The following TNS1 variants were observed in gnomAD, a reference collection of about 807,000 sequenced individuals.
The protein encoded by TNS1 is tensin-1.
A neutral mutation model predicts 168.6 loss-of-function variants in TNS1; 62 were observed. The ratio of observed to expected loss-of-function variants is 0.37; its 90% CI spans 0.30 to 0.45. The LOEUF (loss-of-function observed/expected upper bound fraction) is 0.45, where lower values mean the gene tolerates loss of function less well. TNS1 is among the 20% of genes least tolerant of loss of function. TNS1 has a pLI of 1.00. For synonymous variants in TNS1, 934 were observed against 933.2 expected (o/e 1.00, Z -0.02); for missense variants, 2,240 against 2,339.4 (o/e 0.96, Z 0.88).
intron 1 of TNS1, among the ~76,000 whole-genome samples, chr2:218,017,199 G>T (rs1958769843): frequency 1.3e-5 from 2 of 152,168 alleles, no homozygotes; most frequent in Non-Finnish European, 2.9e-5. Flanking sequence ...CATGGAACTT[G>T]ATTCCTTCCT....
chr2:218,005,321 C>A (rs1015316503), upstream of TNS1, among the ~76,000 whole-genome samples: 43 of 152,300 alleles, frequency 2.8e-4, no homozygotes, highest in African/African-American at 8.2e-4. Flanking sequence ...CCCGAGGAGG[C>A]CCTGCTGCTT....
intron 3 of TNS1, among the ~76,000 whole-genome samples, chr2:217,928,568 G>T (rs1409645373): frequency 6.6e-6 from 1 of 152,210 alleles, no homozygotes; most frequent in African/African-American, 2.4e-5. Flanking sequence ...CAAAGACAGT[G>T]GGGACAGGGA....
chr2:217,861,372 T>C (rs1171853052), intron 18 of TNS1, among the ~76,000 whole-genome samples: 2 of 152,194 alleles, frequency 1.3e-5, no homozygotes, highest in African/African-American at 4.8e-5. Context: ...CCTGACATAC[T>C]TTCTGGTTGC....
chr2:217,951,116 C>T (rs1006803924), intron 3 of TNS1, among the ~76,000 whole-genome samples: 5 of 152,192 alleles, frequency 3.3e-5, no homozygotes, highest in Non-Finnish European at 7.3e-5. Flanking sequence ...ATCACAGAAA[C>T]CTGGCCCCAT....
In TNS1 at chr2:217,880,777, C is replaced by T; in HGVS notation, c.1429+121G>A. Reference sequence around the variant, plus strand: ...ACGGTGAGCTCTCGGAGGTACCTCACACTTCCCCTCTGCCTCCTCTCGAAC... The same window carrying T: ...ACGGTGAGCTCTCGGAGGTACCTCATACTTCCCCTCTGCCTCCTCTCGAAC... On this transcript the variant is annotated intron_variant, in intron 18 of 32. Coordinates refer to ENST00000682258, the MANE Select transcript of TNS1 (RefSeq NM_001387777.1). This position sits in a 1 kb window ranked among gnomAD's most constrained non-coding sequence, Gnocchi z 4.2. The T allele has an allele frequency of 1.4e-6, 1 of 739,148 alleles. No homozygotes were observed. Among genetic ancestry groups the T allele is most frequent in the Non-Finnish European group, 2.4e-6 (1 of 422,544 alleles). 45.8% of individuals were successfully genotyped at this position (739,148 alleles called of 1,614,324 possible).
intron 1 of TNS1, among the ~76,000 whole-genome samples, chr2:218,026,686 G>A (rs1037278916): frequency 3.9e-5 from 6 of 152,294 alleles, no homozygotes; most frequent in East Asian, 3.9e-4. Flanking sequence ...CCCACCCACC[G>A]CGTATGTCAG....
At chr2:217,970,823 G>A (rs527538501) in intron 3 of TNS1, among the ~76,000 whole-genome samples, 1 of 152,000 alleles carries the variant, frequency 6.6e-6, no homozygotes, top group South Asian at 2.1e-4. Context: ...ACAACTCTGT[G>A]ATGATACAAA....
chr2:217,841,336 G>A (rs1945931850), intron 19 of TNS1: 2 of 959,966 alleles, frequency 2.1e-6, no homozygotes, highest in Non-Finnish European at 2.5e-6. Context: ...AGGCAGGAAG[G>A]AAGGGAGGAT....
Position 217,848,352 on chromosome 2 carries a change from T to C in TNS1, c.2165A>G (p.His722Arg). ...GLAGYQREGP[H>R]PAWPQPVTTS... ...GGTCACTGGCTGTGGCCAGGCTGGG[T>C]GGGGCCCCTCCCTCTGGTAGCCAGC... is the stretch of plus-strand genomic sequence containing the variant. Residue 722 changes from histidine (H) to arginine (R), a missense_variant, in exon 19 of 33, where the codon CAC becomes CGC. Transcript: ENST00000682258. 1 of 1,540,540 alleles carries C rather than the reference T, an allele frequency of 6.5e-7. No homozygotes were observed.
chr2:218,026,789 G>A (rs1958852693), intron 1 of TNS1, among the ~76,000 whole-genome samples: 1 of 152,198 alleles, frequency 6.6e-6, no homozygotes, highest in African/African-American at 2.4e-5. Context: ...ACCCTCAAGG[G>A]CAGGGCAGAC....
At chr2:218,015,209 G>T (rs1958747006), upstream of TNS1, among the ~76,000 whole-genome samples, 1 of 152,098 alleles carries the variant, frequency 6.6e-6, no homozygotes, top group African/African-American at 2.4e-5. Context: ...GGACACTGAG[G>T]CCCAGAGGGG....
intron 6 of TNS1, among the ~76,000 whole-genome samples, chr2:217,903,029 G>C (rs1953202318): frequency 1.3e-5 from 2 of 152,192 alleles, no homozygotes; most frequent in Admixed American, 1.3e-4. Flanking sequence ...AGAAACACAG[G>C]TGACCTCACA....
chr2:217,967,803 T>C (rs1957685060), intron 3 of TNS1, among the ~76,000 whole-genome samples: 1 of 152,070 alleles, frequency 6.6e-6, no homozygotes, highest in Non-Finnish European at 1.5e-5. Context: ...AACAAACACC[T>C]CTCAAATCAT....
At chr2:217,900,700 G>A (rs774060761) in intron 6 of TNS1, 188 bp from the exon 7 acceptor site, 30 of 638,140 alleles carry the variant, frequency 4.7e-5, no homozygotes, top group Middle Eastern at 3.8e-4. Flanking sequence ...CTGATTCCAC[G>A]TGAGTGTGCC....
rs1559414722 is a variant in TNS1, at chr2:218,027,233, A to G, written c.156+6587T>C. Among the ~76,000 whole-genome samples, 6 of 152,016 alleles carry G rather than the reference A, an allele frequency of 3.9e-5. No individual in the cohort carries two copies. In the South Asian group the frequency reaches 1.0e-3, roughly 26 times the overall value. On this transcript the variant is annotated intron_variant, in intron 1 of 1. Transcript: ENST00000649572. ...CCCTGAGCCAGGGATAGTTTAAATC[A>G]TCGGTCCCTCTCTGGGGGGCCTTTC... is the stretch of plus-strand genomic sequence containing the variant.
chr2:217,878,612 C>T lies in TNS1; in HGVS notation c.1429+2286G>A, dbSNP rs553337098. Among the ~76,000 whole-genome samples, 30 of 152,320 alleles carry T rather than the reference C, an allele frequency of 2.0e-4. 1 individual carries two copies. In the South Asian group the frequency reaches 4.2e-3, roughly 21 times the overall value. On this transcript the variant is annotated intron_variant, in intron 18 of 32. Coordinates refer to ENST00000682258, the MANE Select transcript of TNS1 (RefSeq NM_001387777.1). ...TTAGCCATGTCTTGCAGGCGCCTGA[C>T]ACACTGGCCACAGCTGACACAAATG... is the stretch of plus-strand genomic sequence containing the variant.
intron 4 of TNS1, among the ~76,000 whole-genome samples, chr2:217,912,163 C>A (rs577807899): frequency 6.6e-6 from 1 of 152,328 alleles, no homozygotes; most frequent in African/African-American, 2.4e-5. Context: ...GCTGCCAGGA[C>A]GGCCTAGAGG....
chr2:217,903,779 G>C (rs1478038400), intron 6 of TNS1: 13 of 631,170 alleles, frequency 2.1e-5, no homozygotes. Context: ...TTGCAGGCAA[G>C]AGTGGATCAC....
intron 3 of TNS1, among the ~76,000 whole-genome samples, chr2:217,968,323 C>T (rs1433141429): frequency 2.0e-5 from 3 of 152,132 alleles, no homozygotes; most frequent in Non-Finnish European, 2.9e-5. Flanking sequence ...AAATAAAAAG[C>T]ATCCTGGTTG....
Sources: allele counts gnomAD v4.1 joint callset (sites outside exome capture counted in the v4.1 genomes callset), GRCh38; gene constraint gnomAD v4.1.1; non-coding constraint Gnocchi (gnomAD v3.1); transcripts MANE v1.5; gene names NCBI Gene and HGNC (gene_info 2026-07-23, HGNC 2026-07-21).